The following C1orf198 variants were observed in gnomAD, a reference collection of about 807,000 sequenced individuals.
C1orf198 encodes the protein chromosome 1 open reading frame 198, also known as uncharacterized protein C1orf198.
C1orf198 carries 17 observed loss-of-function variants against 31.4 expected under a neutral mutation model. The ratio of observed to expected loss-of-function variants is 0.54; its 90% CI spans 0.37 to 0.81. C1orf198 has a LOEUF of 0.81. C1orf198 is among the 40% of genes least tolerant of loss of function. The pLI is 0.00. For synonymous variants in C1orf198, 175 were observed against 193.8 expected, an observed-to-expected ratio of 0.90 and a Z score of 0.81; for missense variants, 401 against 450.3, an observed-to-expected ratio of 0.89 and a Z score of 0.99.
chr1:230,867,877 G>T (rs923988251), intron 1 of C1orf198, among the ~76,000 whole-genome samples: 1 of 152,106 alleles, frequency 6.6e-6, no homozygotes, highest in African/African-American at 2.4e-5. Flanking sequence ...TTTCCACTTT[G>T]GTCAGCCTCG....
rs921975244 is a variant in C1orf198 at position 230,840,668 on chromosome 1, C to T, written c.928-760G>A. Among the ~76,000 whole-genome samples, 41 of 152,302 alleles carry T rather than the reference C, an allele frequency of 2.7e-4. No homozygotes were observed. The highest frequency in any genetic ancestry group is 7.0e-4 in the African/African-American group (29 of 41,574). ...ATGTCCCTTTCCTCCAGCCTAACAC[C>T]GGCAGGCATTTACCTGGTGCGCCAA... On this transcript the variant is annotated intron_variant, in intron 3 of 3. Coordinates refer to ENST00000366663, the MANE Select transcript of C1orf198 (RefSeq NM_032800.3). This position sits in a 1 kb window ranked among gnomAD's most constrained non-coding sequence, Gnocchi z 4.0.
intron 1 of C1orf198, among the ~76,000 whole-genome samples, chr1:230,861,354 G>A (rs1669999714): frequency 6.6e-6 from 1 of 152,102 alleles, no homozygotes; most frequent in African/African-American, 2.4e-5. Context: ...AATTTTGCTG[G>A]AACCTAAAAC....
chr1:230,837,735 G>C lies in C1orf198; in HGVS notation c.*2117C>G, dbSNP rs1198877488. ...AATACAACTTGAGGACTCCCTCCAA[G>C]ATTTCCTAATTTTTGATTTTACATT... On this transcript the variant is annotated 3_prime_UTR_variant, in exon 4 of 4. Coordinates refer to ENST00000366663, the MANE Select transcript of C1orf198 (RefSeq NM_032800.3). 1 of 152,130 alleles carries C rather than the reference G, an allele frequency of 6.6e-6. No individual in the cohort carries two copies. The highest frequency in any genetic ancestry group is 2.4e-5 in the African/African-American group (1 of 41,434). 9.4% of individuals were successfully genotyped at this position (152,130 alleles called of 1,614,324 possible). A position where few individuals can be genotyped will look rare whatever the true frequency, so the allele number is the denominator to read the frequency against.
chr1:230,851,202 G>A (rs558475269), intron 2 of C1orf198, among the ~76,000 whole-genome samples: 8 of 152,222 alleles, frequency 5.3e-5, no homozygotes, highest in South Asian at 4.1e-4. Flanking sequence ...TCAAGGAACC[G>A]ATCCCCAGCC....
Position 230,857,103 on chromosome 1 carries a change from C to T in C1orf198, c.334-1385G>A, listed in dbSNP as rs1397051069. 6.6e-6 allele frequency among the ~76,000 whole-genome samples: 1 copy of T among 152,198 alleles called. No homozygotes were observed. Among genetic ancestry groups the T allele is most frequent in the East Asian group, 1.9e-4 (1 of 5,190 alleles). On this transcript the variant is annotated intron_variant, in intron 1 of 3. Coordinates refer to ENST00000366663, the MANE Select transcript of C1orf198 (RefSeq NM_032800.3). This position sits in a 1 kb window ranked among gnomAD's most constrained non-coding sequence, Gnocchi z 4.2. ...TGTGCGTTCTCTGTGCAGACGCCTC[C>T]TAACATGAACAGCCAGTGGGAGGTC...
At chr1:230,864,062 T>C (rs747315361) in intron 1 of C1orf198, among the ~76,000 whole-genome samples, 4 of 152,142 alleles carry the variant, frequency 2.6e-5, no homozygotes, top group Non-Finnish European at 5.9e-5. Context: ...TGGTCCTGCA[T>C]TGAGAGGCCA....
In C1orf198 at chr1:230,840,777, G is replaced by C. The variant is rs559311189; in HGVS notation, c.928-869C>G. Among the ~76,000 whole-genome samples the C allele has an allele frequency of 6.6e-6, 1 of 152,320 alleles. No individual in the cohort carries two copies. Among genetic ancestry groups the C allele is most frequent in the Non-Finnish European group, 1.5e-5 (1 of 68,018 alleles). On this transcript the variant is annotated intron_variant, in intron 3 of 3. Coordinates refer to ENST00000366663, the MANE Select transcript of C1orf198 (RefSeq NM_032800.3). The surrounding 1 kb of genome is among the most constrained non-coding windows in gnomAD (Gnocchi z 4.0). ...AATGCATACATGGCGGCAAGAGCAG[G>C]CAATGGGCTAATGGGCTTGCCCTTG...
chr1:230,861,123 C>T (rs986463400), intron 1 of C1orf198, among the ~76,000 whole-genome samples: 1 of 152,098 alleles, frequency 6.6e-6, no homozygotes, highest in Non-Finnish European at 1.5e-5. Flanking sequence ...GCAATGGATC[C>T]CCTCTGTATG....
rs1200320061 is a variant in C1orf198 at position 230,857,430 on chromosome 1, C to G, written c.334-1712G>C. On this transcript the variant is annotated intron_variant, in intron 1 of 3. Coordinates refer to ENST00000366663, the MANE Select transcript of C1orf198 (RefSeq NM_032800.3). This position sits in a 1 kb window ranked among gnomAD's most constrained non-coding sequence, Gnocchi z 4.2. ...TGATTTTCCCCCACAATCACCCGCT[C>G]CCAACACTCACACTCCCCCAAGACT... Among the ~76,000 whole-genome samples, 1 of 152,350 alleles carries G rather than the reference C, an allele frequency of 6.6e-6. No homozygotes were observed. The highest frequency in any genetic ancestry group is 1.9e-4 in the East Asian group (1 of 5,184).
Position 230,843,221 on chromosome 1 carries a change from G to A in C1orf198, c.927+133C>T. 1 of 1,109,434 alleles carries A rather than the reference G, an allele frequency of 9.0e-7. No individual in the cohort carries two copies. Among genetic ancestry groups the A allele is most frequent in the Non-Finnish European group, 1.3e-6 (1 of 785,572 alleles). 68.7% of individuals were successfully genotyped at this position (1,109,434 alleles called of 1,614,324 possible). On this transcript the variant is annotated intron_variant, in intron 3 of 3. Coordinates refer to ENST00000366663, the MANE Select transcript of C1orf198 (RefSeq NM_032800.3). This position sits in a 1 kb window ranked among gnomAD's most constrained non-coding sequence, Gnocchi z 4.9. Reference sequence around the variant, plus strand: ...AGCACCCTGAGCCTAGGCATCCTCTGAGGAAGAGGCAGGGGAAGGAGAAGA... The same window carrying A: ...AGCACCCTGAGCCTAGGCATCCTCTAAGGAAGAGGCAGGGGAAGGAGAAGA...
At chr1:230,865,645 C>T (rs1390878028) in intron 1 of C1orf198, among the ~76,000 whole-genome samples, 1 of 152,146 alleles carries the variant, frequency 6.6e-6, no homozygotes. Flanking sequence ...GGCCTCAGGC[C>T]AAGGGATGAG....
At position 230,868,229 on chromosome 1, in the gene C1orf198, G is replaced by T. The variant is rs1383156726; in HGVS notation, c.284C>A (p.Pro95His). 13 of 1,547,042 alleles carry T rather than the reference G, an allele frequency of 8.4e-6. No individual in the cohort carries two copies. The highest frequency in any genetic ancestry group is 1.0e-5 in the Non-Finnish European group (12 of 1,148,742). ...PGDSEELTRF[P>H]GLRGPTGQKV... ...CTGGCCCGTGGGCCCGCGCAAGCCG[G>T]GGAAGCGCGTGAGCTCCTCCGAGTC... The change falls in exon 1 of 4, where the codon CCC (proline) becomes CAC (histidine). Residue 95 changes from proline (P) to histidine (H), a missense_variant. Physicochemically the swap from Pro to His is moderately conservative, Grantham distance 77. Transcript: ENST00000366663.
rs767485570 is a variant in C1orf198 at position 230,868,414 on chromosome 1, GAAGT to G, written c.95_98del (p.Tyr32SerfsTer4). The G allele has an allele frequency of 6.3e-7, 1 of 1,590,958 alleles. No homozygotes were observed. Among genetic ancestry groups the G allele is most frequent in the East Asian group, 2.4e-5 (1 of 42,200 alleles). On this transcript the variant is annotated frameshift_variant, in exon 1 of 4. Transcript: ENST00000366663. LOFTEE classifies it high-confidence loss of function. ...TCCTGGCCATGGGGCTCAGCGACGA[GAAGT>G]AAGTGAAGCGCTTTCGCTCCCGGTC...
chr1:230,852,862 A>C (rs1466217688), intron 2 of C1orf198, among the ~76,000 whole-genome samples: 1 of 152,220 alleles, frequency 6.6e-6, no homozygotes, highest in Non-Finnish European at 1.5e-5. Context: ...CTCTTTCCTC[A>C]AACATTGAAT....
chr1:230,840,959 G>C lies in C1orf198; in HGVS notation c.928-1051C>G, dbSNP rs1669422336. On this transcript the variant is annotated intron_variant, in intron 3 of 3. Transcript: ENST00000366663. This position sits in a 1 kb window ranked among gnomAD's most constrained non-coding sequence, Gnocchi z 4.0. Reference sequence around the variant, plus strand: ...TTCACTGTGCTTTACTCAGAAATCTGTTCTCTCAAAGGAATTTCATGTGCT... The same window carrying C: ...TTCACTGTGCTTTACTCAGAAATCTCTTCTCTCAAAGGAATTTCATGTGCT... Among the ~76,000 whole-genome samples the C allele has an allele frequency of 1.3e-5, 2 of 152,186 alleles. No homozygotes were observed. Among genetic ancestry groups the C allele is most frequent in the Admixed American group, 6.5e-5 (1 of 15,282 alleles).
chr1:230,868,221 G>T lies in C1orf198; in HGVS notation c.292C>A (p.Arg98Ser). 1.3e-6 allele frequency: 2 copies of T among 1,538,536 alleles called. No individual in the cohort carries two copies. Among genetic ancestry groups the T allele is most frequent in the Middle Eastern group, 1.8e-4 (1 of 5,710 alleles). Residue 98 changes from arginine (R) to serine (S), a missense_variant, in exon 1 of 4, where the codon CGC becomes AGC. Transcript: ENST00000366663. ...ACCACCTTCTGGCCCGTGGGCCCGC[G>T]CAAGCCGGGGAAGCGCGTGAGCTCC... ...SEELTRFPGL[R>S]GPTGQKVVRF...
chr1:230,857,428 C>T lies in C1orf198; in HGVS notation c.334-1710G>A, dbSNP rs1487466737. Among the ~76,000 whole-genome samples the T allele has an allele frequency of 1.3e-5, 2 of 152,222 alleles. No homozygotes were observed. The highest frequency in any genetic ancestry group is 3.8e-4 in the East Asian group (2 of 5,196). On this transcript the variant is annotated intron_variant, in intron 1 of 3. Coordinates refer to ENST00000366663, the MANE Select transcript of C1orf198 (RefSeq NM_032800.3). The surrounding 1 kb of genome is among the most constrained non-coding windows in gnomAD (Gnocchi z 4.2). ...GTTGATTTTCCCCCACAATCACCCG[C>T]TCCCAACACTCACACTCCCCCAAGA...
At chr1:230,860,566 G>C (rs1420237670) in intron 1 of C1orf198, among the ~76,000 whole-genome samples, 1 of 152,162 alleles carries the variant, frequency 6.6e-6, no homozygotes, top group East Asian at 1.9e-4. Context: ...CTTCAACATG[G>C]ATGAACCTTG....
intron 2 of C1orf198, among the ~76,000 whole-genome samples, chr1:230,845,216 T>TAA (rs11355270): frequency 1.1e-4 from 13 of 117,072 alleles, no homozygotes; most frequent in African/African-American, 4.1e-4. Flanking sequence ...TTAAAAAAAT[T>TAA]AAAAAAAAAA....
Sources: gnomAD v4.1 joint callset for allele counts (sites outside exome capture counted in the v4.1 genomes callset) on GRCh38, gnomAD v4.1.1 for gene constraint, Gnocchi (gnomAD v3.1) non-coding constraint, MANE v1.5 for transcripts, NCBI Gene and HGNC (gene_info 2026-07-23, HGNC 2026-07-21) for gene names.